CDH4: variants seen among roughly 807,000 people sequenced by gnomAD.
CDH4 encodes cadherin-4.
A neutral mutation model predicts 86.0 loss-of-function variants in CDH4; 33 were observed. The ratio of observed to expected loss-of-function variants is 0.38; its 90% CI spans 0.29 to 0.51. CDH4 has a LOEUF of 0.51. Ranked by LOEUF, CDH4 falls within the 20% of genes least tolerant of loss-of-function variation. The pLI, the probability that CDH4 is intolerant of heterozygous loss-of-function variation, is 0.86. For missense variants in CDH4, 1,114 were observed against 1,307.4 expected (o/e 0.85, Z 2.28); for synonymous variants, 555 against 549.4 (o/e 1.01, Z -0.14).
At chr20:61,383,148 A>ATATGAATATATTATATATATGAATATATT (rs1568822135) in intron 2 of CDH4, among the ~76,000 whole-genome samples, 5 of 112,156 alleles carry the variant, frequency 4.5e-5, no homozygotes, top group Admixed American at 3.9e-4. Context: ...ATATGAATAT[A>ATATGAATATATTATATATATGAATATATT]TATGAATATA....
chr20:61,772,959 C>G, intron 3 of CDH4, 44 bp from the exon 4 acceptor site: 1 of 1,565,188 alleles, frequency 6.4e-7, no homozygotes, highest in Non-Finnish European at 8.7e-7. Context: ...TGTGCAAAAC[C>G]TAACTGGACT....
chr20:61,466,712 A>G (rs963022702), intron 2 of CDH4, among the ~76,000 whole-genome samples: 2 of 152,192 alleles, frequency 1.3e-5, no homozygotes, highest in African/African-American at 4.8e-5. Context: ...ATAGCTGGGC[A>G]TGGTGGCATG....
At chr20:61,627,513 C>T (rs958812417) in intron 2 of CDH4, among the ~76,000 whole-genome samples, 1 of 152,206 alleles carries the variant, frequency 6.6e-6, no homozygotes, top group Non-Finnish European at 1.5e-5. Flanking sequence ...TCAAAAAGGT[C>T]ACCAGACATC....
intron 2 of CDH4, among the ~76,000 whole-genome samples, chr20:61,565,122 T>TTGGTGA (rs1383887003): frequency 1.9e-5 from 2 of 104,232 alleles, no homozygotes; most frequent in Non-Finnish European, 2.1e-5. Context: ...GCTGGTGCTC[T>TTGGTGA]TGGTGGTGCT....
At chr20:61,808,612 C>T (rs1163436067) in intron 4 of CDH4, among the ~76,000 whole-genome samples, 3 of 152,204 alleles carry the variant, frequency 2.0e-5, no homozygotes, top group African/African-American at 4.8e-5. Flanking sequence ...TGATTTGAAA[C>T]AGAAGAGCAG....
At chr20:61,901,222 TAGGGGCAGGGGC>T (rs376285859) in intron 8 of CDH4, among the ~76,000 whole-genome samples, 3 of 132,520 alleles carry the variant, frequency 2.3e-5, no homozygotes, top group East Asian at 2.2e-4. Context: ...GCAGGAGGAG[TAGGGGCAGGGGC>T]AGGGGCAGGG....
Position 61,693,470 on chromosome 20 carries a change from G to A in CDH4, c.170-50093G>A, listed in dbSNP as rs577157600. The stretch of plus-strand genomic sequence containing the variant: ...GGTGGGGCAGCGAGCAGATGACCAC[G>A]TGTGGGCTTGAGTCCCCAAGGCCGA... On this transcript the variant is annotated intron_variant, in intron 2 of 15. Coordinates refer to ENST00000614565, the MANE Select transcript of CDH4 (RefSeq NM_001794.5). Among the ~76,000 whole-genome samples the A allele has an allele frequency of 1.1e-4, 17 of 152,348 alleles. 1 individual carries two copies. The South Asian group carries it at 1.9e-3, about 17-fold the overall frequency.
chr20:61,594,318 T>C (rs1307614338), intron 2 of CDH4, among the ~76,000 whole-genome samples: 1 of 151,458 alleles, frequency 6.6e-6, no homozygotes, highest in East Asian at 2.0e-4. Context: ...CCACTTCCAG[T>C]GCTGGTGCCT....
rs2084996705 is a variant in CDH4, at chr20:61,393,252, A to G, written c.169+138315A>G. Among the ~76,000 whole-genome samples, 1 of 152,066 alleles carries G rather than the reference A, an allele frequency of 6.6e-6. No homozygotes were observed. Among genetic ancestry groups the G allele is most frequent in the South Asian group, 2.1e-4 (1 of 4,816 alleles). ...GGTGCAGGACCCAGTGTTCCCTCCA[A>G]CAAGAGGCCATCTCACGGGCGAGCC... On this transcript the variant is annotated intron_variant, in intron 2 of 15. Coordinates refer to ENST00000614565, the MANE Select transcript of CDH4 (RefSeq NM_001794.5). This position sits in a 1 kb window ranked among gnomAD's most constrained non-coding sequence, Gnocchi z 4.3.
intron 2 of CDH4, among the ~76,000 whole-genome samples, chr20:61,458,064 G>A (rs2085419164): frequency 6.6e-6 from 1 of 150,806 alleles, no homozygotes; most frequent in Non-Finnish European, 1.5e-5. Flanking sequence ...GGCAGCGGTG[G>A]TGGTGGTGGT....
At chr20:61,396,596 C>T (rs1485476638) in intron 2 of CDH4, among the ~76,000 whole-genome samples, 2 of 152,202 alleles carry the variant, frequency 1.3e-5, no homozygotes, top group Non-Finnish European at 2.9e-5. Flanking sequence ...CGGGGAGCAT[C>T]CTGAGACCAG....
At chr20:61,365,818 A>C (rs754349305) in intron 2 of CDH4, among the ~76,000 whole-genome samples, 1 of 152,130 alleles carries the variant, frequency 6.6e-6, no homozygotes, top group Non-Finnish European at 1.5e-5. Flanking sequence ...CAGATCAACA[A>C]TCAATAGGAT....
chr20:61,407,491 G>A (rs556092229), intron 2 of CDH4, among the ~76,000 whole-genome samples: 3 of 152,164 alleles, frequency 2.0e-5, no homozygotes, highest in Admixed American at 6.5e-5. Flanking sequence ...GGGTGAATAC[G>A]TGGCTCAGAA....
chr20:61,717,123 G>A (rs80337606), intron 2 of CDH4, among the ~76,000 whole-genome samples: 17,772 of 152,142 alleles, frequency 0.12, 1,485 homozygotes, highest in South Asian at 0.36. Context: ...GGGCAGGGTG[G>A]CAGGAGCAGC....
intron 9 of CDH4, among the ~76,000 whole-genome samples, chr20:61,918,437 A>G (rs944903755): frequency 6.6e-6 from 1 of 152,174 alleles, no homozygotes; most frequent in Non-Finnish European, 1.5e-5. Flanking sequence ...TGGGGCACAG[A>G]TGAACCACAC....
At chr20:61,888,833 G>A (rs961934409) in intron 7 of CDH4, among the ~76,000 whole-genome samples, 3 of 152,206 alleles carry the variant, frequency 2.0e-5, no homozygotes, top group African/African-American at 7.2e-5. Context: ...CTCTGCCCTG[G>A]TCAGCTGTGT....
chr20:61,404,455 C>T (rs1208515515), intron 2 of CDH4, among the ~76,000 whole-genome samples: 1 of 152,138 alleles, frequency 6.6e-6, no homozygotes, highest in Non-Finnish European at 1.5e-5. Flanking sequence ...TCTGAAATAT[C>T]CGGTGGCATT....
rs190095001 is a variant in CDH4, at chr20:61,326,635, G to T, written c.169+71698G>T. 1.2e-3 allele frequency among the ~76,000 whole-genome samples: 183 copies of T among 152,314 alleles called. 4 individuals carry two copies. In the East Asian group the frequency reaches 0.035, roughly 29 times the overall value. On this transcript the variant is annotated intron_variant, in intron 2 of 15. Transcript: ENST00000614565. ...ACAGGTATTCTGGAAGACACTGGGG[G>T]TCATGGGAGAGCCTATGTGGCTGCA...
chr20:61,254,732 C>T (rs936547778), intron 1 of CDH4, 94 bp from the exon 2 acceptor site: 9 of 837,046 alleles, frequency 1.1e-5, no homozygotes, highest in Non-Finnish European at 1.6e-5. Flanking sequence ...CTCTCTTAGC[C>T]AGAGACCTTT....
Sources: gnomAD v4.1 joint callset for allele counts (sites outside exome capture counted in the v4.1 genomes callset) on GRCh38, gnomAD v4.1.1 for gene constraint, Gnocchi (gnomAD v3.1) non-coding constraint, MANE v1.5 for transcripts, NCBI Gene and HGNC (gene_info 2026-07-23, HGNC 2026-07-21) for gene names.